Variants in VGLL1 observed in about 807,000 individuals in gnomAD.
The protein encoded by VGLL1 is vestigial like family member 1, also known as transcription cofactor vestigial-like protein 1.
VGLL1 carries 4 observed loss-of-function variants against 12.0 expected under a neutral mutation model. The ratio of observed to expected loss-of-function variants is 0.33; its 90% confidence interval spans 0.16 to 0.76. The LOEUF is 0.76. VGLL1 is among the 30% of genes least tolerant of loss of function. The probability of loss-of-function intolerance (pLI) is 0.60; values close to 1 mark genes in which losing one functional copy is unlikely to be tolerated. For missense variants in VGLL1, 204 were observed against 208.7 expected (o/e 0.98, Z 0.14); for synonymous variants, 87 against 81.2 (o/e 1.07, Z -0.39).
intron 1 of VGLL1, among the ~76,000 whole-genome samples, chrX:136,535,285 A>T (rs1197253834): frequency 2.7e-5 from 3 of 112,461 alleles, no homozygotes; most frequent in African/African-American, 9.7e-5. Context: ...AACAGAGCTG[A>T]CAATCTTACA....
rs759964986 is a variant in VGLL1 at position 136,548,995 on chromosome X, C to A, written c.621C>A (p.Pro207=). The A allele has an allele frequency of 1.7e-5, 21 of 1,205,570 alleles. No homozygotes were observed. The highest frequency in any genetic ancestry group is 4.6e-4 in the Middle Eastern group (2 of 4,337). Residue 207 remains proline (P), a synonymous_variant, in exon 3 of 5, where the codon CCC becomes CCA. Coordinates refer to ENST00000370634, the MANE Select transcript of VGLL1 (RefSeq NM_016267.4). ...CAGGGTTGCTCTTCAACCTGCCTCC[C>A]GGCTCAGTTCACTGTAAGGAAATGC... The part of the protein sequence containing the change: ...GSTGLLFNLP[P]GSVHYKKLYV...
Position 136,536,150 on chromosome X carries a change from C to T in VGLL1, c.130C>T (p.His44Tyr), listed in dbSNP as rs2075839086. 8.3e-7 allele frequency: 1 copy of T among 1,209,218 alleles called. No individual in the cohort carries two copies. The highest frequency in any genetic ancestry group is 2.2e-5 in the Admixed American group (1 of 45,726). The change falls in exon 2 of 5, where the codon CAC (histidine) becomes TAC (tyrosine). Residue 44 changes from histidine to tyrosine, a missense_variant. His to Tyr is a moderately conservative substitution (Grantham distance 83). Transcript: ENST00000370634. ...GGACATCAGCAGCGTAGTGGATGAA[C>T]ACTTCTCCAGAGCTCTGAGCAATAT... Reference protein sequence around the residue: ...QGDISSVVDEHFSRALSNIKS... With the variant: ...QGDISSVVDEYFSRALSNIKS...
At chrX:136,532,641 CT>C (rs1456819833) in intron 1 of VGLL1, among the ~76,000 whole-genome samples, 2 of 88,434 alleles carry the variant, frequency 2.3e-5, no homozygotes, top group African/African-American at 4.3e-5. Context: ...TTCTTTCTTT[CT>C]TTCTTTCTTT....
In VGLL1 at chrX:136,548,682, A is replaced by G; in HGVS notation, c.308A>G (p.Asn103Ser). Residue 103 changes from asparagine (N) to serine (S), a missense_variant, in exon 3 of 5, where the codon AAC becomes AGC. By Grantham distance (46) the Asn-to-Ser change is conservative (BLOSUM62 1). Transcript: ENST00000370634. ...VPVTNRAANC[N>S]LHVPGPMAVN... ...GTCACAAACCGTGCCGCCAACTGCA[A>G]CTTGCATGTGCCTGGTCCCATGGCT... The G allele has an allele frequency of 2.5e-6, 3 of 1,212,253 alleles. No homozygotes were observed. Among genetic ancestry groups the G allele is most frequent in the Non-Finnish European group, 3.3e-6 (3 of 895,614 alleles).
intron 2 of VGLL1, among the ~76,000 whole-genome samples, chrX:136,540,103 T>G (rs1037090724): frequency 8.9e-6 from 1 of 112,052 alleles, no homozygotes; most frequent in Non-Finnish European, 1.9e-5. Flanking sequence ...CACCTCCTAA[T>G]TGGTCTCATT....
At chrX:136,543,528 G>A (rs772325650) in intron 2 of VGLL1, among the ~76,000 whole-genome samples, 4 of 111,161 alleles carry the variant, frequency 3.6e-5, no homozygotes, top group Admixed American at 1.9e-4. Context: ...TCCTGTAATC[G>A]CAGCACTTTG....
rs1370772181 is a variant in VGLL1, at chrX:136,536,031, T to C, written c.11T>C (p.Met4Thr). The C allele has an allele frequency of 8.3e-7, 1 of 1,210,628 alleles. No individual in the cohort carries two copies. Residue 4 changes from methionine to threonine, a missense_variant, in exon 2 of 5, where the codon ATG (methionine) becomes ACG (threonine). Coordinates refer to ENST00000370634, the MANE Select transcript of VGLL1 (RefSeq NM_016267.4). The stretch of plus-strand genomic sequence containing the variant: ...TGTCATTCACTCACAATGGAAGAAA[T>C]GAAGAAGACTGCCATCCGGCTGCCC... Reference protein sequence around the residue: MEEMKKTAIRLPKG... With the variant: MEETKKTAIRLPKG...
intron 2 of VGLL1, among the ~76,000 whole-genome samples, chrX:136,543,242 G>T (rs1324111213): frequency 9.0e-6 from 1 of 111,676 alleles, no homozygotes; most frequent in African/African-American, 3.3e-5. Flanking sequence ...AGGCCCCCCT[G>T]GTGCCCTGGA....
intron 3 of VGLL1, 49 bp downstream of exon 3, chrX:136,549,057 G>T: frequency 8.7e-7 from 1 of 1,142,975 alleles, no homozygotes; most frequent in South Asian, 2.0e-5. Flanking sequence ...GATTGGTTGT[G>T]GTTGAGAGTG....
At chrX:136,541,281 G>T (rs961111186) in intron 2 of VGLL1, among the ~76,000 whole-genome samples, 4 of 112,352 alleles carry the variant, frequency 3.6e-5, no homozygotes, top group Non-Finnish European at 7.5e-5. Flanking sequence ...CAGATAGAGA[G>T]GTGGCTTGGT....
chrX:136,541,618 G>C (rs1011178925), intron 2 of VGLL1, among the ~76,000 whole-genome samples: 6 of 111,841 alleles, frequency 5.4e-5, no homozygotes, highest in African/African-American at 2.0e-4. Context: ...ATTACTGACT[G>C]TTAGTATCCT....
intron 4 of VGLL1, among the ~76,000 whole-genome samples, chrX:136,551,812 G>A (rs973702191): frequency 9.0e-6 from 1 of 111,619 alleles, no homozygotes; most frequent in Non-Finnish European, 1.9e-5. Flanking sequence ...TGGGTGTGGT[G>A]CCTCACACAT....
At chrX:136,532,518 G>A (rs752351098) in intron 1 of VGLL1, among the ~76,000 whole-genome samples, 2 of 111,125 alleles carry the variant, frequency 1.8e-5, no homozygotes, top group South Asian at 7.8e-4. Context: ...GTCCATGCAG[G>A]CAGATTGTGG....
At chrX:136,542,005 G>A (rs1487823823) in intron 2 of VGLL1, among the ~76,000 whole-genome samples, 1 of 110,758 alleles carries the variant, frequency 9.0e-6, no homozygotes, top group Non-Finnish European at 1.9e-5. Context: ...GTCCTGGTAC[G>A]TATGCCACCC....
At chrX:136,544,949 C>T (rs769940052) in intron 2 of VGLL1, among the ~76,000 whole-genome samples, 2 of 112,103 alleles carry the variant, frequency 1.8e-5, no homozygotes, top group African/African-American at 6.5e-5. Context: ...GACCATCTTG[C>T]TTTTTCTCAC....
chrX:136,550,297 G>A (rs1369787730), intron 3 of VGLL1: 1 of 117,377 alleles, frequency 8.5e-6, no homozygotes, highest in Non-Finnish European at 1.8e-5. Flanking sequence ...TCGACAGTAG[G>A]TTAGAACACA....
chrX:136,549,526 A>G (rs2075879697), intron 3 of VGLL1, among the ~76,000 whole-genome samples: 1 of 110,610 alleles, frequency 9.0e-6, no homozygotes, highest in Non-Finnish European at 1.9e-5. Flanking sequence ...TGCTGCTTGG[A>G]GACCTAACAG....
chrX:136,536,646 C>G (rs927121054), intron 2 of VGLL1, among the ~76,000 whole-genome samples: 2 of 112,107 alleles, frequency 1.8e-5, no homozygotes, highest in African/African-American at 6.5e-5. Context: ...GATTCTCCTA[C>G]CGTTCTTTAA....
chrX:136,533,156 C>T (rs986238188), intron 1 of VGLL1, among the ~76,000 whole-genome samples: 4 of 111,524 alleles, frequency 3.6e-5, no homozygotes, highest in African/African-American at 6.5e-5. Context: ...AGTTTCTCTC[C>T]ACTTTGGTCC....
Sources: allele counts gnomAD v4.1 joint callset (sites outside exome capture counted in the v4.1 genomes callset), GRCh38; gene constraint gnomAD v4.1.1; transcripts MANE v1.5; gene names NCBI Gene and HGNC (gene_info 2026-07-23, HGNC 2026-07-21).